Variants in TACC1 observed in about 807,000 individuals in gnomAD.
TACC1 encodes transforming acidic coiled-coil containing protein 1, also known as transforming acidic coiled-coil-containing protein 1.
A neutral mutation model predicts 84.4 loss-of-function variants in TACC1; 48 were observed. The ratio of observed to expected loss-of-function variants is 0.57; its 90% confidence interval spans 0.45 to 0.72. TACC1 has a LOEUF of 0.72. Ranked by LOEUF, TACC1 falls within the 30% of genes least tolerant of loss-of-function variation. The pLI, the probability that TACC1 is intolerant of heterozygous loss-of-function variation, is 0.00. For missense variants in TACC1, 920 were observed against 973.0 expected, an observed-to-expected ratio of 0.95 and a Z score of 0.72; for synonymous variants, 372 against 376.3, an observed-to-expected ratio of 0.99 and a Z score of 0.13.
At position 38,836,195 on chromosome 8, in the gene TACC1, G is replaced by A; in HGVS notation, c.1747G>A (p.Val583Met). 6.2e-7 allele frequency: 1 copy of A among 1,613,538 alleles called. No individual in the cohort carries two copies. The highest frequency in any genetic ancestry group is 1.1e-5 in the South Asian group (1 of 91,090). Reference protein sequence around the residue: ...LLESSAEKAPVSVSCGGESPL... With the variant: ...LLESSAEKAPMSVSCGGESPL... The stretch of plus-strand genomic sequence containing the variant: ...GGAGTCCTCTGCAGAGAAGGCCCCT[G>A]TGTCGGTGTCCTGTGGAGGTGAGAG... Residue 583 changes from valine (V) to methionine (M), a missense_variant, in exon 7 of 13, where the codon GTG (valine) becomes ATG (methionine). By Grantham distance (21) the Val-to-Met change is conservative. Coordinates refer to ENST00000317827, the MANE Select transcript of TACC1 (RefSeq NM_006283.3).
intron 2 of TACC1, among the ~76,000 whole-genome samples, chr8:38,814,859 G>T (rs1587924035): frequency 6.6e-6 from 1 of 152,240 alleles, no homozygotes; most frequent in East Asian, 1.9e-4. Flanking sequence ...TTTAATATAG[G>T]CTAATTAGTT....
At chr8:38,805,003 G>A (rs1242124639) in intron 2 of TACC1, among the ~76,000 whole-genome samples, 1 of 152,196 alleles carries the variant, frequency 6.6e-6, no homozygotes, top group Non-Finnish European at 1.5e-5. Flanking sequence ...GTGATTTTTG[G>A]ACCTATTTCC....
rs200401982 is a variant in TACC1 at position 38,848,381 on chromosome 8, TCTC to T, written c.*360_*362del. 210 of 171,032 alleles carry T rather than the reference TCTC, an allele frequency of 1.2e-3. 4 individuals are homozygous for T. The East Asian group carries it at 0.029, about 23-fold the overall frequency. 10.6% of individuals were successfully genotyped at this position (171,032 alleles called of 1,614,324 possible). ...AATTTGTAACTCCTCTTTGGGGTCT[TCTC>T]CACCACCTGTCTGATTTTTTTGTGA... On this transcript the variant is annotated 3_prime_UTR_variant, in exon 13 of 13. Coordinates refer to ENST00000317827, the MANE Select transcript of TACC1 (RefSeq NM_006283.3).
In TACC1 at chr8:38,819,545, C is replaced by T. The variant is rs886572437; in HGVS notation, c.301C>T (p.Leu101Phe). The stretch of plus-strand genomic sequence containing the variant: ...AGAATCACAAGAAGCTGATGAACAG[C>T]TTGTAGCAGAAGTGGTTGAAAAATG... ...SQESQEADEQ[L>F]VAEVVEKCSS... The change falls in exon 3 of 13, where the codon CTT becomes TTT. Residue 101 changes from leucine to phenylalanine, a missense_variant. By Grantham distance (22) the Leu-to-Phe change is conservative (BLOSUM62 0). Transcript: ENST00000317827. 6.2e-7 allele frequency: 1 copy of T among 1,610,700 alleles called. No homozygotes were observed. Among genetic ancestry groups the T allele is most frequent in the Non-Finnish European group, 8.5e-7 (1 of 1,177,420 alleles).
rs56713050 is a variant in TACC1, at chr8:38,772,166, T to C, written c.27-16538T>C. Among the ~76,000 whole-genome samples the C allele has an allele frequency of 9.0e-3, 1,368 of 152,340 alleles. 21 individuals carry two copies. Among genetic ancestry groups the C allele is most frequent in the African/African-American group, 0.032 (1,321 of 41,570 alleles). ...ACCAGCAGTCCTTGGTGGTGGCTTA[T>C]CATTTCACCCATTTGACAGTTTTAA... is the stretch of plus-strand genomic sequence containing the variant. On this transcript the variant is annotated intron_variant, in intron 3 of 14. Transcript: ENST00000518415.
chr8:38,801,105 C>CT (rs1157358680), intron 2 of TACC1, among the ~76,000 whole-genome samples: 16 of 152,030 alleles, frequency 1.1e-4, no homozygotes, highest in Admixed American at 1.0e-3. Flanking sequence ...GGTTATTTAT[C>CT]TTTTTTATCA....
chr8:38,763,252 C>T (rs1811567156), intron 3 of TACC1, among the ~76,000 whole-genome samples: 1 of 152,018 alleles, frequency 6.6e-6, no homozygotes, highest in South Asian at 2.1e-4. Flanking sequence ...TGGGCTGAAA[C>T]AATCCTCACA....
At chr8:38,830,851 T>C (rs1829068292) in intron 5 of TACC1, among the ~76,000 whole-genome samples, 1 of 152,226 alleles carries the variant, frequency 6.6e-6, no homozygotes, top group South Asian at 2.1e-4. Flanking sequence ...TTTTCCAAAC[T>C]TTTAATGGAC....
At chr8:38,798,066 T>G (rs934079739) in intron 2 of TACC1, among the ~76,000 whole-genome samples, 2 of 152,146 alleles carry the variant, frequency 1.3e-5, no homozygotes, top group African/African-American at 4.8e-5. Context: ...GCAAGTCCCA[T>G]CCTCTTACCT....
chr8:38,760,738 T>G (rs541396566), intron 3 of TACC1, among the ~76,000 whole-genome samples: 1 of 152,238 alleles, frequency 6.6e-6, no homozygotes, highest in African/African-American at 2.4e-5. Flanking sequence ...GCCAGGCTGG[T>G]CTCGAACTCC....
Position 38,827,312 on chromosome 8 carries a change from T to A in TACC1, c.1597T>A (p.Tyr533Asn), listed in dbSNP as rs1358153650. The A allele has an allele frequency of 6.2e-7, 1 of 1,614,160 alleles. No individual in the cohort carries two copies. The highest frequency in any genetic ancestry group is 8.5e-7 in the Non-Finnish European group (1 of 1,180,036). ...AGGTGAGCCAGAGGAAGACCTGGAG[T>A]ACTTTGAATGTTCCAATGTTCCTGT... Reference protein sequence around the residue: ...VKGEPEEDLEYFECSNVPVST... With the variant: ...VKGEPEEDLENFECSNVPVST... Residue 533 changes from tyrosine (Y) to asparagine (N), a missense_variant, in exon 5 of 13, where the codon TAC (tyrosine) becomes AAC (asparagine). Transcript: ENST00000317827.
chr8:38,847,247 T>G (rs562176856), intron 12 of TACC1, among the ~76,000 whole-genome samples: 1 of 152,330 alleles, frequency 6.6e-6, no homozygotes, highest in African/African-American at 2.4e-5. Flanking sequence ...TATATTTGTT[T>G]GGTTGTCACC....
At chr8:38,811,745 T>C (rs988127011) in intron 2 of TACC1, among the ~76,000 whole-genome samples, 1 of 152,192 alleles carries the variant, frequency 6.6e-6, no homozygotes, top group Non-Finnish European at 1.5e-5. Context: ...GTTTAAACAA[T>C]ATGAAATCAG....
At chr8:38,794,906 A>T (rs983458693) in intron 2 of TACC1, among the ~76,000 whole-genome samples, 3 of 152,206 alleles carry the variant, frequency 2.0e-5, no homozygotes, top group South Asian at 4.1e-4. Context: ...ATTTAATTTT[A>T]AATTTTTAAT....
chr8:38,816,547 G>T (rs1825475495), intron 2 of TACC1, among the ~76,000 whole-genome samples: 1 of 152,062 alleles, frequency 6.6e-6, no homozygotes, highest in Admixed American at 6.5e-5. Context: ...ATAAATTTGG[G>T]GATTCTCATA....
intron 1 of TACC1, 91 bp from the exon 2 acceptor site, chr8:38,788,613 C>G: frequency 1.9e-6 from 2 of 1,033,476 alleles, no homozygotes; most frequent in South Asian, 1.5e-5. Flanking sequence ...GACAAAAGTG[C>G]TGGACTTTTA....
intron 2 of TACC1, among the ~76,000 whole-genome samples, chr8:38,806,603 G>C (rs1487036613): frequency 6.6e-6 from 1 of 152,120 alleles, no homozygotes; most frequent in Non-Finnish European, 1.5e-5. Flanking sequence ...GGAAGCAGAG[G>C]AGAAGTGGGT....
chr8:38,804,169 G>A (rs759342409), intron 2 of TACC1, among the ~76,000 whole-genome samples: 1 of 152,164 alleles, frequency 6.6e-6, no homozygotes, highest in Non-Finnish European at 1.5e-5. Context: ...GGCTATATAA[G>A]TATGAAGTAT....
intron 3 of TACC1, among the ~76,000 whole-genome samples, chr8:38,774,369 CAG>C (rs1044649345): frequency 1.3e-5 from 2 of 152,322 alleles, no homozygotes; most frequent in African/African-American, 4.8e-5. Flanking sequence ...TTGTTCAACA[CAG>C]TGTTCAGCAG....
Sources: gnomAD v4.1 joint callset for allele counts (sites outside exome capture counted in the v4.1 genomes callset) on GRCh38, gnomAD v4.1.1 for gene constraint, MANE v1.5 for transcripts, NCBI Gene and HGNC (gene_info 2026-07-23, HGNC 2026-07-21) for gene names.